MGAT4C: variants seen among roughly 807,000 people sequenced by gnomAD.
MGAT4C encodes alpha-1,3-mannosyl-glycoprotein 4-beta-N-acetylglucosaminyltransferase C.
In MGAT4C, 19 loss-of-function variants were observed where a neutral mutation model predicts 40.1. That is an observed-to-expected ratio of 0.47 (90% CI 0.33 to 0.70). The LOEUF (loss-of-function observed/expected upper bound fraction) is 0.70, where lower values mean the gene tolerates loss of function less well. MGAT4C is among the 30% of genes least tolerant of loss of function. MGAT4C has a pLI of 0.02. For missense variants in MGAT4C, 491 were observed against 563.2 expected, an observed-to-expected ratio of 0.87 and a Z score of 1.30; for synonymous variants, 181 against 187.1, an observed-to-expected ratio of 0.97 and a Z score of 0.27.
At chr12:86,307,171 T>C (rs922310970) in intron 4 of MGAT4C, among the ~76,000 whole-genome samples, 1 of 149,450 alleles carries the variant, frequency 6.7e-6, no homozygotes, top group Non-Finnish European at 1.5e-5. Flanking sequence ...TAAGATAGTT[T>C]GCTTATTAAA....
At chr12:86,200,127 G>GTTTTTT (rs56844963) in intron 1 of MGAT4C, among the ~76,000 whole-genome samples, 595 of 101,624 alleles carry the variant, frequency 5.9e-3, no homozygotes, top group African/African-American at 0.012. Context: ...GTATGTATTT[G>GTTTTTT]TTTTTTTTTT....
chr12:86,347,325 A>G (rs1456437933), intron 3 of MGAT4C, among the ~76,000 whole-genome samples: 1 of 152,202 alleles, frequency 6.6e-6, no homozygotes, highest in Admixed American at 6.6e-5. Context: ...CTTACAGAGA[A>G]ATATTAAGTA....
At chr12:86,147,367 A>G (rs1440844274) in intron 1 of MGAT4C, among the ~76,000 whole-genome samples, 4 of 151,718 alleles carry the variant, frequency 2.6e-5, no homozygotes, top group Non-Finnish European at 5.9e-5. Context: ...TCAGCCTCCC[A>G]AGTACCTGGG....
intron 1 of MGAT4C, among the ~76,000 whole-genome samples, chr12:86,176,542 C>T (rs1358978915): frequency 6.6e-6 from 1 of 151,836 alleles, no homozygotes; most frequent in Non-Finnish European, 1.5e-5. Flanking sequence ...ACGTATCTGG[C>T]AATTTGACTC....
intron 2 of MGAT4C, chr12:86,599,559 C>T (rs2136457724): frequency 6.6e-6 from 1 of 152,116 alleles, no homozygotes; most frequent in Non-Finnish European, 1.5e-5. Flanking sequence ...CTACTTGTTG[C>T]CAAATAATGG....
Position 86,240,018 on chromosome 12 carries a change from G to A in MGAT4C, c.-57+16221C>T, listed in dbSNP as rs1397087834. Among the ~76,000 whole-genome samples, 14 of 95,000 alleles carry A rather than the reference G, an allele frequency of 1.5e-4. No individual in the cohort carries two copies. In the East Asian group the frequency reaches 2.6e-3, roughly 18 times the overall value. 62.3% of individuals were successfully genotyped at this position (95,000 alleles called of 152,430 possible). ...ATGTGCACACGTACCCTAAAACTTAGAGTATAATAAAAAAAAAAAATAAAA... is the reference window on the plus strand; with the variant it reads ...ATGTGCACACGTACCCTAAAACTTAAAGTATAATAAAAAAAAAAAATAAAA... On this transcript the variant is annotated intron_variant, in intron 1 of 4. Transcript: ENST00000611864.
intron 1 of MGAT4C, among the ~76,000 whole-genome samples, chr12:86,247,729 A>G (rs1221476288): frequency 6.6e-6 from 1 of 152,124 alleles, no homozygotes; most frequent in African/African-American, 2.4e-5. Flanking sequence ...CTGAAGAAGA[A>G]ATTGTAAGAG....
At position 86,719,267 on chromosome 12, in the gene MGAT4C, G is replaced by T. The variant is rs192518999; in HGVS notation, c.-229+7942C>A. On this transcript the variant is annotated intron_variant, in intron 2 of 7. Transcript: ENST00000548651. ...ATATTGTAATATCACACTCAGGTTT[G>T]AGGTTTTAGTATCCTGTTATCTAAA... is the stretch of plus-strand genomic sequence containing the variant. 2.4e-3 allele frequency among the ~76,000 whole-genome samples: 363 copies of T among 152,248 alleles called. 5 individuals carry two copies. The highest frequency in any genetic ancestry group is 0.02 in the Admixed American group (311 of 15,284).
At chr12:86,503,899 G>A (rs1348150035) in intron 2 of MGAT4C, among the ~76,000 whole-genome samples, 1 of 143,920 alleles carries the variant, frequency 6.9e-6, no homozygotes, top group African/African-American at 2.5e-5. Context: ...ATCCACAGTT[G>A]GAAAAGACTT....
chr12:86,143,965 T>C (rs1011419432), intron 1 of MGAT4C, among the ~76,000 whole-genome samples: 1 of 152,196 alleles, frequency 6.6e-6, no homozygotes, highest in Non-Finnish European at 1.5e-5. Context: ...AATGTTGATT[T>C]ATCCTTTGTG....
chr12:86,108,592 A>G (rs528281879), intron 1 of MGAT4C, among the ~76,000 whole-genome samples: 20 of 152,252 alleles, frequency 1.3e-4, no homozygotes, highest in African/African-American at 4.6e-4. Context: ...AATACCCACC[A>G]TGGATTGGTT....
At chr12:85,987,412 C>T (rs1259940604) in intron 3 of MGAT4C, among the ~76,000 whole-genome samples, 1 of 152,024 alleles carries the variant, frequency 6.6e-6, no homozygotes, top group Non-Finnish European at 1.5e-5. Context: ...GCTGGGATTA[C>T]AGGCGTGAGC....
chr12:86,562,868 C>G (rs1450752325), intron 2 of MGAT4C, among the ~76,000 whole-genome samples: 1 of 152,130 alleles, frequency 6.6e-6, no homozygotes, highest in Non-Finnish European at 1.5e-5. Flanking sequence ...ACCAGGGATT[C>G]TGCATTTAAT....
chr12:86,824,025 T>C (rs1315826329), intron 1 of MGAT4C, among the ~76,000 whole-genome samples: 1 of 151,444 alleles, frequency 6.6e-6, no homozygotes, highest in East Asian at 1.9e-4. Context: ...TACCTACTGT[T>C]CTGAGTAGCA....
intron 3 of MGAT4C, among the ~76,000 whole-genome samples, chr12:86,354,267 C>CA (rs1247124598): frequency 6.6e-6 from 1 of 151,886 alleles, no homozygotes; most frequent in Non-Finnish European, 1.5e-5. Flanking sequence ...ACAAAACAAA[C>CA]AAAAAAATCT....
intron 1 of MGAT4C, among the ~76,000 whole-genome samples, chr12:86,089,907 C>T (rs949835049): frequency 4.0e-5 from 6 of 151,676 alleles, no homozygotes; most frequent in African/African-American, 1.4e-4. Context: ...TATTTGTTCC[C>T]ATATTTTAAA....
At chr12:86,179,543 G>A (rs887573765) in intron 1 of MGAT4C, among the ~76,000 whole-genome samples, 51 of 152,304 alleles carry the variant, frequency 3.3e-4, no homozygotes, top group African/African-American at 1.2e-3. Flanking sequence ...GACAAAAATA[G>A]TGATATGAAC....
chr12:86,553,283 TG>T (rs957900747), intron 2 of MGAT4C, among the ~76,000 whole-genome samples: 4 of 152,138 alleles, frequency 2.6e-5, no homozygotes, highest in Admixed American at 6.5e-5. Context: ...ATATTGACCT[TG>T]GGCCATTTCT....
chr12:86,699,980 T>C (rs915146158), intron 2 of MGAT4C, among the ~76,000 whole-genome samples: 2 of 151,658 alleles, frequency 1.3e-5, no homozygotes, highest in Admixed American at 6.6e-5. Flanking sequence ...AAAGGATGTG[T>C]ATAATTGGGC....
Sources: allele counts gnomAD v4.1 joint callset (sites outside exome capture counted in the v4.1 genomes callset), GRCh38; gene constraint gnomAD v4.1.1; transcripts MANE v1.5; gene names NCBI Gene and HGNC (gene_info 2026-07-23, HGNC 2026-07-21).